RBFOX1: variants seen among roughly 807,000 people sequenced by gnomAD.
The protein encoded by RBFOX1 is RNA binding fox-1 homolog 1.
Under a neutral mutation model 57.7 loss-of-function variants are expected in RBFOX1, and 8 were observed. The ratio of observed to expected loss-of-function variants is 0.14; its 90% CI spans 0.08 to 0.25. The LOEUF (loss-of-function observed/expected upper bound fraction) is 0.25, where lower values mean the gene tolerates loss of function less well. RBFOX1 is among the 10% of genes least tolerant of loss of function. The pLI is 1.00. For missense variants in RBFOX1, 611 were observed against 548.5 expected (o/e 1.11, Z -1.14); for synonymous variants, 326 against 222.4 (o/e 1.47, Z -4.15).
chr16:7,144,417 C>CTTCTTTTTTTTTTTTTT lies in RBFOX1; in HGVS notation c.27+92321_27+92322insCTTTTTTTTTTTTTTTT, dbSNP rs3046798. ...TCTTTTCTCTTTCTTTTTCTTTCTT[C>CTTCTTTTTTTTTTTTTT]TTTTTTTTTTTTTTTTTTTTTGAGT... On this transcript the variant is annotated intron_variant, in intron 4 of 15. Transcript: ENST00000550418. 3.9e-4 allele frequency among the ~76,000 whole-genome samples: 26 copies of CTTCTTTTTTTTTTTTTT among 66,924 alleles called. 1 individual carries two copies. The highest frequency in any genetic ancestry group is 5.2e-4 in the Non-Finnish European group (20 of 38,210). The allele number at this position is 66,924 out of a possible 152,430, so 43.9% of individuals were successfully genotyped here.
intron 3 of RBFOX1, among the ~76,000 whole-genome samples, chr16:7,028,421 C>T (rs2041621578): frequency 2.0e-5 from 3 of 151,836 alleles, no homozygotes; most frequent in Non-Finnish European, 4.4e-5. Flanking sequence ...AAACCTGTCT[C>T]TACTAAAAAT....
At chr16:5,665,070 C>T (rs917295876) in intron 3 of RBFOX1, among the ~76,000 whole-genome samples, 26 of 148,434 alleles carry the variant, frequency 1.8e-4, no homozygotes, top group Non-Finnish European at 7.4e-5. Flanking sequence ...CCCAGGCTCC[C>T]GAGTAGCTGA....
chr16:6,188,531 C>G (rs2097122053), intron 1 of RBFOX1, among the ~76,000 whole-genome samples: 1 of 151,518 alleles, frequency 6.6e-6, no homozygotes, highest in African/African-American at 2.4e-5. Flanking sequence ...GTGTATGAAA[C>G]CAGAAACCTT....
chr16:7,368,387 T>C (rs2097503051), intron 4 of RBFOX1, among the ~76,000 whole-genome samples: 1 of 152,178 alleles, frequency 6.6e-6, no homozygotes, highest in African/African-American at 2.4e-5. Flanking sequence ...TTTGAAAGTT[T>C]ACGTATTACC....
At chr16:7,375,509 T>TG (rs2097669502) in intron 4 of RBFOX1, among the ~76,000 whole-genome samples, 1 of 151,580 alleles carries the variant, frequency 6.6e-6, no homozygotes, top group African/African-American at 2.4e-5. Context: ...TTTTTTTGTT[T>TG]TTTTTTTTTT....
intron 4 of RBFOX1, among the ~76,000 whole-genome samples, chr16:7,054,742 T>C (rs1421449771): frequency 2.0e-5 from 3 of 152,198 alleles, no homozygotes; most frequent in African/African-American, 7.2e-5. Flanking sequence ...GTGTCCTAAG[T>C]GCAGCAGTCA....
chr16:7,164,935 G>A (rs575439724), intron 4 of RBFOX1, among the ~76,000 whole-genome samples: 1 of 152,162 alleles, frequency 6.6e-6, no homozygotes, highest in African/African-American at 2.4e-5. Flanking sequence ...ATCATCAACT[G>A]GAATAGGATA....
chr16:7,037,229 T>C (rs1306725419), intron 3 of RBFOX1, among the ~76,000 whole-genome samples: 1 of 90,402 alleles, frequency 1.1e-5, no homozygotes, highest in Admixed American at 1.1e-4. Flanking sequence ...TCTTAGCCTC[T>C]TTTTTTTTTT....
At chr16:5,731,539 C>G (rs12927948) in intron 3 of RBFOX1, among the ~76,000 whole-genome samples, 23,899 of 151,992 alleles carry the variant, frequency 0.16, 2,424 homozygotes, top group East Asian at 0.34. Flanking sequence ...TGTCTGAGTC[C>G]AAAGTAAAGG....
At chr16:7,155,097 C>G (rs13380598) in intron 4 of RBFOX1, among the ~76,000 whole-genome samples, 33,666 of 152,010 alleles carry the variant, frequency 0.22, 4,124 homozygotes, top group African/African-American at 0.32. Flanking sequence ...TGCAAACTCT[C>G]CAAAGCCTCT....
rs34488881 is a variant in RBFOX1 at position 5,955,118 on chromosome 16, T to TA, written c.351+87810dup. Among the ~76,000 whole-genome samples, 60 of 14,290 alleles carry TA rather than the reference T, an allele frequency of 4.2e-3. 11 individuals are homozygous for TA. The highest frequency in any genetic ancestry group is 0.01 in the African/African-American group (28 of 2,796). 9.4% of individuals were successfully genotyped at this position (14,290 alleles called of 152,430 possible). A position where few individuals can be genotyped will look rare whatever the true frequency, so the allele number is the denominator to read the frequency against. ...CAACAGGGTGAAACTCCATCTCTAC[T>TA]AAAAAAAAAAAAAAAAAAAAAAAAA... On this transcript the variant is annotated intron_variant, in intron 4 of 19. Coordinates refer to the RBFOX1 transcript ENST00000641259.
rs199998262 is a variant in RBFOX1 at position 6,670,841 on chromosome 16, C to CA, written c.-16+16200dup. Among the ~76,000 whole-genome samples the CA allele has an allele frequency of 8.4e-4, 118 of 141,050 alleles. 1 individual carries two copies. The highest frequency in any genetic ancestry group is 5.5e-3 in the South Asian group (26 of 4,690). The allele number at this position is 141,050 out of a possible 152,430, so 92.5% of individuals were successfully genotyped here. On this transcript the variant is annotated intron_variant, in intron 3 of 15. Transcript: ENST00000550418. ...TGAAACCCTGTCTCTACTAAAAATG[C>CA]AAAAAAAAATTAGCCGGGCATGGTG...
At chr16:7,539,598 T>A (rs1168879312) in intron 5 of RBFOX1, among the ~76,000 whole-genome samples, 1 of 152,318 alleles carries the variant, frequency 6.6e-6, no homozygotes, top group Admixed American at 6.5e-5. Context: ...TGAGTTGTAA[T>A]CTTCTACATA....
At position 6,858,084 on chromosome 16, in the gene RBFOX1, T is replaced by C. The variant is rs201881958; in HGVS notation, c.-15-193973T>C. 2.6e-5 allele frequency among the ~76,000 whole-genome samples: 4 copies of C among 152,320 alleles called. No homozygotes were observed. In the East Asian group the frequency reaches 5.8e-4, roughly 22 times the overall value. Reference sequence around the variant, plus strand: ...CCTTGCTTAAAGTTTTTCATTGATGTTTCTCTAACTAGAAATTGGAGTTAT... The same window carrying C: ...CCTTGCTTAAAGTTTTTCATTGATGCTTCTCTAACTAGAAATTGGAGTTAT... On this transcript the variant is annotated intron_variant, in intron 3 of 15. Transcript: ENST00000550418.
rs79863437 is a variant in RBFOX1, at chr16:7,570,608, C to A, written c.271-9169C>A. On this transcript the variant is annotated intron_variant, in intron 5 of 15. Coordinates refer to ENST00000550418, the MANE Select transcript of RBFOX1 (RefSeq NM_018723.4). ...TAGTGATGAAACTAGAGTTTTATTG[C>A]AGAGCTACCTAGCCATAAATATTCC... is the stretch of plus-strand genomic sequence containing the variant. 7.8e-3 allele frequency among the ~76,000 whole-genome samples: 1,183 copies of A among 152,270 alleles called. 15 individuals carry two copies. Among genetic ancestry groups the A allele is most frequent in the African/African-American group, 0.027 (1,117 of 41,556 alleles).
chr16:5,595,306 C>G (rs1052147347), intron 2 of RBFOX1, among the ~76,000 whole-genome samples: 1 of 152,202 alleles, frequency 6.6e-6, no homozygotes, highest in Non-Finnish European at 1.5e-5. Context: ...GATGGCCCAT[C>G]TGGGATCTCT....
chr16:6,868,921 C>G (rs376940507), intron 3 of RBFOX1, among the ~76,000 whole-genome samples: 4 of 152,136 alleles, frequency 2.6e-5, no homozygotes, highest in African/African-American at 4.8e-5. Flanking sequence ...TTGTGAGTTA[C>G]CACATTTTCT....
At chr16:7,089,349 C>G (rs1315987450) in intron 4 of RBFOX1, among the ~76,000 whole-genome samples, 7 of 151,988 alleles carry the variant, frequency 4.6e-5, no homozygotes, top group African/African-American at 1.7e-4. Context: ...TTATTTTTGA[C>G]AGTGGAGGTT....
At chr16:7,075,647 C>G (rs2153787313) in intron 4 of RBFOX1, among the ~76,000 whole-genome samples, 1 of 152,258 alleles carries the variant, frequency 6.6e-6, no homozygotes, top group East Asian at 1.9e-4. Flanking sequence ...GTGGTGCGAT[C>G]TTGGCTCACT....
Sources: gnomAD v4.1 joint callset for allele counts (sites outside exome capture counted in the v4.1 genomes callset) on GRCh38, gnomAD v4.1.1 for gene constraint, MANE v1.5 for transcripts, NCBI Gene and HGNC (gene_info 2026-07-23, HGNC 2026-07-21) for gene names.